FRMD5: variants seen among roughly 807,000 people sequenced by gnomAD.
FRMD5 encodes FERM domain-containing protein 5.
FRMD5 carries 20 observed loss-of-function variants against 69.0 expected under a neutral mutation model. That is an observed-to-expected ratio of 0.29 (90% CI 0.20 to 0.42). The LOEUF (loss-of-function observed/expected upper bound fraction) is 0.42, where lower values mean the gene tolerates loss of function less well. FRMD5 is among the 10% of genes least tolerant of loss of function. The pLI, the probability that FRMD5 is intolerant of heterozygous loss-of-function variation, is 1.00. For synonymous variants in FRMD5, 271 were observed against 260.1 expected (o/e 1.04, Z -0.40); for missense variants, 595 against 708.6 (o/e 0.84, Z 1.82).
intron 1 of FRMD5, among the ~76,000 whole-genome samples, chr15:44,008,089 A>ATTTTTTTTTTTTTTTTTTTTTTTTTTT: frequency 1.6e-5 from 1 of 62,806 alleles, no homozygotes; most frequent in African/African-American, 5.4e-5. Flanking sequence ...ACAATCGGCA[A>ATTTTTTTTTTTTTTTTTTTTTTTTTTT]TTTTTTTTTT....
At chr15:44,175,270 C>T (rs1235986197) in intron 1 of FRMD5, among the ~76,000 whole-genome samples, 1 of 152,104 alleles carries the variant, frequency 6.6e-6, no homozygotes, top group African/African-American at 2.4e-5. Flanking sequence ...TCAGACACCC[C>T]ATGAAATATG....
At chr15:44,112,082 AT>A (rs752245586) in intron 1 of FRMD5, among the ~76,000 whole-genome samples, 7 of 152,066 alleles carry the variant, frequency 4.6e-5, no homozygotes, top group Non-Finnish European at 1.0e-4. Context: ...TGACCTCGTG[AT>A]CCGCCCACCT....
In FRMD5 at chr15:43,873,369, C is replaced by T. The variant is rs2088217450; in HGVS notation, c.*516G>A. The T allele has an allele frequency of 2.1e-6, 3 of 1,456,656 alleles. No homozygotes were observed. Among genetic ancestry groups the T allele is most frequent in the Non-Finnish European group, 2.7e-6 (3 of 1,111,716 alleles). The allele number at this position is 1,456,656 out of a possible 1,614,324, so 90.2% of individuals were successfully genotyped here. ...AAAACAAACAAAAAACTAAACAGTC[C>T]CCATTGTCCAGATCCCTGGCCTGCC... On this transcript the variant is annotated 3_prime_UTR_variant, in exon 14 of 14. Transcript: ENST00000417257.
At chr15:44,012,247 G>A (rs1484630920) in intron 1 of FRMD5, among the ~76,000 whole-genome samples, 1 of 152,164 alleles carries the variant, frequency 6.6e-6, no homozygotes, top group East Asian at 1.9e-4. Context: ...GATAGAGAGG[G>A]CTGACTGTAA....
intron 1 of FRMD5, among the ~76,000 whole-genome samples, chr15:43,944,733 G>A (rs935511154): frequency 5.3e-5 from 8 of 152,110 alleles, no homozygotes; most frequent in Non-Finnish European, 8.8e-5. Context: ...GGGACTACAG[G>A]CACCCGCTAC....
intron 1 of FRMD5, among the ~76,000 whole-genome samples, chr15:44,015,926 G>T (rs1890936356): frequency 6.6e-6 from 1 of 151,596 alleles, no homozygotes; most frequent in Admixed American, 6.6e-5. Flanking sequence ...TTATCATCTT[G>T]CTAGAGTACA....
intron 5 of FRMD5, among the ~76,000 whole-genome samples, chr15:43,906,436 C>A (rs1427997623): frequency 6.6e-6 from 1 of 152,126 alleles, no homozygotes; most frequent in Admixed American, 6.5e-5. Flanking sequence ...AGCTGCGATC[C>A]AAATTCAGAA....
At chr15:44,012,761 GTTTTTTT>G (rs35690752) in intron 1 of FRMD5, among the ~76,000 whole-genome samples, 2,612 of 120,816 alleles carry the variant, frequency 0.022, 86 homozygotes, top group African/African-American at 0.076. Context: ...AAGTTATTGG[GTTTTTTT>G]TTTTTTTTTT....
intron 1 of FRMD5, among the ~76,000 whole-genome samples, chr15:44,038,752 T>A (rs940330651): frequency 2.0e-5 from 3 of 151,486 alleles, no homozygotes; most frequent in Non-Finnish European, 4.4e-5. Flanking sequence ...GCACGAGGGG[T>A]CAGGGGATTT....
At chr15:43,900,481 G>C (rs1041998614) in intron 7 of FRMD5, among the ~76,000 whole-genome samples, 2 of 152,154 alleles carry the variant, frequency 1.3e-5, no homozygotes, top group Admixed American at 6.5e-5. Flanking sequence ...CTGTGGGGTA[G>C]GGAAGATGAC....
chr15:44,025,841 C>T (rs1891407352), intron 1 of FRMD5, among the ~76,000 whole-genome samples: 1 of 152,194 alleles, frequency 6.6e-6, no homozygotes, highest in South Asian at 2.1e-4. Flanking sequence ...GAATCAGCAA[C>T]ATATGATTTT....
intron 13 of FRMD5, chr15:43,875,879 A>G (rs1029732295): frequency 3.1e-6 from 2 of 654,830 alleles, no homozygotes; most frequent in Non-Finnish European, 2.9e-6. Flanking sequence ...TAATAATATG[A>G]TATCCAAATT....
At chr15:44,078,220 T>C (rs1375842091) in intron 1 of FRMD5, among the ~76,000 whole-genome samples, 3 of 152,104 alleles carry the variant, frequency 2.0e-5, no homozygotes, top group Non-Finnish European at 4.4e-5. Context: ...AAATATCTTT[T>C]CAAATTCTTT....
chr15:43,927,978 G>T (rs1429940150), intron 1 of FRMD5, among the ~76,000 whole-genome samples: 2 of 152,084 alleles, frequency 1.3e-5, no homozygotes, highest in African/African-American at 4.8e-5. Context: ...CTCTTAGCTG[G>T]TAAGAACCCT....
intron 1 of FRMD5, among the ~76,000 whole-genome samples, chr15:44,009,086 C>T (rs1426609244): frequency 6.6e-6 from 1 of 152,128 alleles, no homozygotes; most frequent in African/African-American, 2.4e-5. Context: ...ATGTCTGTCC[C>T]ATCATCTTAT....
At chr15:43,925,004 T>C (rs916334245) in intron 1 of FRMD5, among the ~76,000 whole-genome samples, 3 of 103,422 alleles carry the variant, frequency 2.9e-5, no homozygotes, top group Admixed American at 2.1e-4. Context: ...TTGTATATCC[T>C]TTTTTTTTTT....
intron 1 of FRMD5, among the ~76,000 whole-genome samples, chr15:44,028,416 G>C (rs1891534301): frequency 6.6e-6 from 1 of 152,152 alleles, no homozygotes; most frequent in Non-Finnish European, 1.5e-5. Context: ...AATAAGTGAG[G>C]ATAAAATCAA....
intron 1 of FRMD5, among the ~76,000 whole-genome samples, chr15:44,055,678 C>A (rs1266479090): frequency 6.6e-6 from 1 of 152,158 alleles, no homozygotes; most frequent in Non-Finnish European, 1.5e-5. Flanking sequence ...CTTAAAGTAG[C>A]TGTGGTGCTC....
intron 1 of FRMD5, among the ~76,000 whole-genome samples, chr15:44,115,621 T>A (rs1196308432): frequency 6.6e-6 from 1 of 152,176 alleles, no homozygotes. Flanking sequence ...TGAACCCCTT[T>A]CCATCCTAAA....
Sources: allele counts gnomAD v4.1 joint callset (sites outside exome capture counted in the v4.1 genomes callset), GRCh38; gene constraint gnomAD v4.1.1; transcripts MANE v1.5; gene names NCBI Gene and HGNC (gene_info 2026-07-23, HGNC 2026-07-21).